The following CENPL variants were observed in gnomAD, a reference collection of about 807,000 sequenced individuals.
The protein encoded by CENPL is interphase centromere complex protein 33.
CENPL carries 20 observed loss-of-function variants against 35.2 expected under a neutral mutation model. The ratio of observed to expected loss-of-function variants is 0.57; its 90% confidence interval spans 0.40 to 0.83. CENPL has a LOEUF of 0.83. Among genes scored for constraint, CENPL ranks in the 40% least tolerant of loss-of-function variants. The probability of loss-of-function intolerance (pLI) is 0.00; values close to 1 mark genes in which losing one functional copy is unlikely to be tolerated. For missense variants in CENPL, 363 were observed against 395.8 expected, an observed-to-expected ratio of 0.92 and a Z score of 0.70; for synonymous variants, 140 against 140.6, an observed-to-expected ratio of 1.00 and a Z score of 0.03.
chr1:173,809,686 A>C (rs188329794), intron 3 of CENPL, among the ~76,000 whole-genome samples: 5 of 152,270 alleles, frequency 3.3e-5, no homozygotes, highest in Non-Finnish European at 5.9e-5. Flanking sequence ...AAGAAGACAT[A>C]CATGAGGCCA....
Position 173,819,478 on chromosome 1 carries a change from C to T in CENPL, c.-8+4448G>A, listed in dbSNP as rs545201178. Among the ~76,000 whole-genome samples, 5 of 151,972 alleles carry T rather than the reference C, an allele frequency of 3.3e-5. No homozygotes were observed. The East Asian group carries it at 9.8e-4, about 30-fold the overall frequency. On this transcript the variant is annotated intron_variant, in intron 2 of 5. Coordinates refer to ENST00000682279, the MANE Select transcript of CENPL (RefSeq NM_001387287.1). The stretch of plus-strand genomic sequence containing the variant: ...TGGTGGCACACACCTGTAGTCCCAG[C>T]TACTCAGGAGGCTGAGAGGAGAATC...
intron 2 of CENPL, among the ~76,000 whole-genome samples, chr1:173,818,909 T>TTGGTTCAA (rs1389473444): frequency 6.6e-6 from 1 of 152,190 alleles, no homozygotes; most frequent in African/African-American, 2.4e-5. Flanking sequence ...TAAACAAGTA[T>TTGGTTCAA]TGGTTCAATT....
chr1:173,800,391 A>G lies in CENPL; in HGVS notation c.*57T>C, dbSNP rs2102555820. ...TCCTGCAGTCTCTTTCAGCATAGCA[A>G]TTAGGCAAGTTATCAATAAGAGTAT... On this transcript the variant is annotated 3_prime_UTR_variant, in exon 6 of 6. Transcript: ENST00000682279. 1.4e-6 allele frequency: 1 copy of G among 701,854 alleles called. No individual in the cohort carries two copies. The highest frequency in any genetic ancestry group is 2.6e-6 in the Non-Finnish European group (1 of 391,510). 43.5% of individuals were successfully genotyped at this position (701,854 alleles called of 1,614,324 possible). A position where few individuals can be genotyped will look rare whatever the true frequency, so the allele number is the denominator to read the frequency against.
intron 2 of CENPL, among the ~76,000 whole-genome samples, chr1:173,816,711 G>C (rs1474389808): frequency 6.6e-6 from 1 of 152,130 alleles, no homozygotes; most frequent in Non-Finnish European, 1.5e-5. Context: ...GTAAATGTTA[G>C]ACCTAAAACC....
At chr1:173,813,246 ACT>A (rs1463139306) in intron 2 of CENPL, among the ~76,000 whole-genome samples, 2 of 152,230 alleles carry the variant, frequency 1.3e-5, no homozygotes, top group Admixed American at 6.5e-5. Context: ...GTTGGAAAAC[ACT>A]CTGCAGGATA....
chr1:173,800,242 T>C lies in CENPL; in HGVS notation c.*206A>G. 1 of 416,030 alleles carries C rather than the reference T, an allele frequency of 2.4e-6. No homozygotes were observed. Among genetic ancestry groups the C allele is most frequent in the East Asian group, 3.7e-5 (1 of 26,836 alleles). 25.8% of individuals were successfully genotyped at this position (416,030 alleles called of 1,614,324 possible). A position where few individuals can be genotyped will look rare whatever the true frequency, so the allele number is the denominator to read the frequency against. ...ATGTCAGGTTATCATGATTAGTACA[T>C]GGGCACCTGGCTGTGGCTCATCTAC... is the stretch of plus-strand genomic sequence containing the variant. On this transcript the variant is annotated 3_prime_UTR_variant, in exon 6 of 6. Coordinates refer to ENST00000682279, the MANE Select transcript of CENPL (RefSeq NM_001387287.1).
chr1:173,818,186 A>T (rs756402477), intron 2 of CENPL, among the ~76,000 whole-genome samples: 1 of 150,280 alleles, frequency 6.7e-6, no homozygotes, highest in African/African-American at 2.4e-5. Context: ...TAAAAATGTT[A>T]AAAAAAAAAT....
intron 2 of CENPL, chr1:173,822,176 T>A (rs1324297040): frequency 6.6e-6 from 1 of 152,176 alleles, no homozygotes; most frequent in African/African-American, 2.4e-5. Context: ...TCTTCAGCAA[T>A]CTCTTTCTTC....
chr1:173,820,623 T>G (rs1651852688), intron 2 of CENPL, among the ~76,000 whole-genome samples: 1 of 152,206 alleles, frequency 6.6e-6, no homozygotes, highest in South Asian at 2.1e-4. Context: ...TATTTATTTT[T>G]AGAAATGTTC....
rs557746766 is a variant in CENPL at position 173,807,988 on chromosome 1, T to C, written c.169-470A>G. Among the ~76,000 whole-genome samples, 5 of 152,368 alleles carry C rather than the reference T, an allele frequency of 3.3e-5. No homozygotes were observed. The South Asian group carries it at 1.0e-3, about 32-fold the overall frequency. ...TATTTAGTTCTCTCTAGAACAATGCTATCTAGAATAAGTGTTCAATAAATA... is the reference window on the plus strand; with the variant it reads ...TATTTAGTTCTCTCTAGAACAATGCCATCTAGAATAAGTGTTCAATAAATA... On this transcript the variant is annotated intron_variant, in intron 3 of 5. Coordinates refer to ENST00000682279, the MANE Select transcript of CENPL (RefSeq NM_001387287.1).
At chr1:173,815,498 C>A (rs1391098924) in intron 2 of CENPL, among the ~76,000 whole-genome samples, 1 of 152,140 alleles carries the variant, frequency 6.6e-6, no homozygotes, top group Non-Finnish European at 1.5e-5. Flanking sequence ...ATGACCAAGT[C>A]AGCTTCGTTC....
chr1:173,802,907 C>T lies in CENPL; in HGVS notation c.963+56G>A, dbSNP rs912586037. The T allele has an allele frequency of 3.0e-5, 35 of 1,173,682 alleles. No homozygotes were observed. The African/African-American group carries it at 3.4e-4, about 11-fold the overall frequency. The allele number at this position is 1,173,682 out of a possible 1,614,324, so 72.7% of individuals were successfully genotyped here. ...TTGAGTGGACAATACAATCATCATACATTTTTAAAACCATAAAACAAGGAA... is the reference window on the plus strand; with the variant it reads ...TTGAGTGGACAATACAATCATCATATATTTTTAAAACCATAAAACAAGGAA... On this transcript the variant is annotated intron_variant, in intron 5 of 5. Transcript: ENST00000682279.
intron 2 of CENPL, among the ~76,000 whole-genome samples, chr1:173,814,624 T>C (rs1651176348): frequency 6.6e-6 from 1 of 152,206 alleles, no homozygotes; most frequent in African/African-American, 2.4e-5. Flanking sequence ...AAAGACGTTC[T>C]TTGAAACCAA....
intron 4 of CENPL, among the ~76,000 whole-genome samples, chr1:173,803,847 T>C (rs1357210755): frequency 6.6e-6 from 1 of 152,112 alleles, no homozygotes; most frequent in Non-Finnish European, 1.5e-5. Context: ...AATTTTTGTA[T>C]TTTTAGTAGG....
chr1:173,809,027 T>G (rs1650537527), intron 3 of CENPL, among the ~76,000 whole-genome samples: 1 of 152,042 alleles, frequency 6.6e-6, no homozygotes, highest in Non-Finnish European at 1.5e-5. Context: ...AATAAGGAAC[T>G]TAAACAAATT....
chr1:173,823,734 G>T (rs1333153723), intron 2 of CENPL, 192 bp downstream of exon 2: 1 of 152,070 alleles, frequency 6.6e-6, no homozygotes, highest in East Asian at 1.9e-4. Flanking sequence ...TCCGTGAAGG[G>T]GCTCTGACTT....
At chr1:173,814,698 A>C (rs1394551174) in intron 2 of CENPL, among the ~76,000 whole-genome samples, 1 of 152,220 alleles carries the variant, frequency 6.6e-6, no homozygotes, top group African/African-American at 2.4e-5. Context: ...GTAGAGGAAA[A>C]TTTATAGCAC....
At chr1:173,803,985 T>C (rs565207345) in intron 4 of CENPL, among the ~76,000 whole-genome samples, 6 of 152,252 alleles carry the variant, frequency 3.9e-5, no homozygotes, top group African/African-American at 1.4e-4. Flanking sequence ...AATATTCTTA[T>C]ACAGTGGAAA....
chr1:173,819,752 C>T (rs1018306159), intron 2 of CENPL, among the ~76,000 whole-genome samples: 1 of 152,032 alleles, frequency 6.6e-6, no homozygotes, highest in South Asian at 2.1e-4. Flanking sequence ...AGTGCAATGG[C>T]GCGATCTCGG....
Sources: gnomAD v4.1 joint callset for allele counts (sites outside exome capture counted in the v4.1 genomes callset) on GRCh38, gnomAD v4.1.1 for gene constraint, MANE v1.5 for transcripts, NCBI Gene and HGNC (gene_info 2026-07-23, HGNC 2026-07-21) for gene names.